The following MAP1A variants were observed in gnomAD, a reference collection of about 807,000 sequenced individuals.
MAP1A encodes microtubule-associated protein 1A.
In MAP1A, 42 loss-of-function variants were observed where a neutral mutation model predicts 185.9. The ratio of observed to expected loss-of-function variants is 0.23; its 90% CI spans 0.18 to 0.29. The LOEUF is 0.29. Ranked by LOEUF, MAP1A falls within the 10% of genes least tolerant of loss-of-function variation. The pLI is 1.00. For synonymous variants in MAP1A, 1,229 were observed against 1,335.9 expected, an observed-to-expected ratio of 0.92 and a Z score of 1.74; for missense variants, 2,995 against 3,450.4, an observed-to-expected ratio of 0.87 and a Z score of 3.31.
At position 43,527,307 on chromosome 15, in the gene MAP1A, A is replaced by C. The variant is rs1013851290; in HGVS notation, c.5834A>C (p.Glu1945Ala). 1.1e-5 allele frequency: 17 copies of C among 1,614,174 alleles called. No homozygotes were observed. Among genetic ancestry groups the C allele is most frequent in the Non-Finnish European group, 1.4e-5 (17 of 1,180,004 alleles). Residue 1945 changes from glutamate to alanine, a missense_variant, in exon 4 of 6, where the codon GAG becomes GCG. Around this residue, in one of 3 missense-constraint regions of MAP1A, gnomAD observed 2,728 missense variants for 2,986.0 expected, o/e 0.91. Transcript: ENST00000300231. ...GCCAGCAAAAGCCATGCCACCACGGAGCCTGAGCAGACTGAGCCGGAGCAG... is the reference window on the plus strand; with the variant it reads ...GCCAGCAAAAGCCATGCCACCACGGCGCCTGAGCAGACTGAGCCGGAGCAG... ...PEASKSHATT[E>A]PEQTEPEQRE... is the part of the protein sequence containing the mutation.
At position 43,523,929 on chromosome 15, in the gene MAP1A, C is replaced by G. The variant is rs746872287; in HGVS notation, c.2456C>G (p.Pro819Arg). 6.2e-7 allele frequency: 1 copy of G among 1,614,196 alleles called. No individual in the cohort carries two copies. The highest frequency in any genetic ancestry group is 1.7e-5 in the Admixed American group (1 of 60,032). ...LTYPTNIVAA[P>R]LAEEEHVSSA... The stretch of plus-strand genomic sequence containing the variant: ...TACCCCACTAACATAGTGGCTGCCC[C>G]TTTGGCTGAAGAGGAACATGTGTCC... The change falls in exon 4 of 6, where the codon CCT (proline) becomes CGT (arginine). Residue 819 changes from proline to arginine, a missense_variant. Pro to Arg is a moderately radical substitution (Grantham distance 103). Around this residue, in one of 3 missense-constraint regions of MAP1A, gnomAD observed 2,728 missense variants for 2,986.0 expected, o/e 0.91. Transcript: ENST00000300231.
At position 43,530,094 on chromosome 15, in the gene MAP1A, C is replaced by T. The variant is rs759132366; in HGVS notation, c.8282C>T (p.Thr2761Met). ...GTGACTCTGATCCCTACTCATGACA[C>T]GGAGGTGACTCGTGAGTGGTACCAA... ...LQVTLIPTHD[T>M]EVTREWYQQT... The change falls in exon 6 of 6, where the codon ACG (threonine) becomes ATG (methionine). Residue 2761 changes from threonine (T) to methionine (M), a missense_variant. Transcript: ENST00000300231. 1.5e-5 allele frequency: 24 copies of T among 1,614,054 alleles called. No homozygotes were observed. The highest frequency in any genetic ancestry group is 2.7e-5 in the African/African-American group (2 of 74,936).
In MAP1A at chr15:43,527,061, C is replaced by T. The variant is rs2140209462; in HGVS notation, c.5588C>T (p.Pro1863Leu). ...PPAPLSPAPGPPTPAPESHTP... is the reference protein window; with the variant it reads ...PPAPLSPAPGLPTPAPESHTP... ...GCACCCCTCTCCCCAGCTCCTGGTCCCCCCACACCTGCCCCGGAATCCCAT... is the reference window on the plus strand; with the variant it reads ...GCACCCCTCTCCCCAGCTCCTGGTCTCCCCACACCTGCCCCGGAATCCCAT... The change falls in exon 4 of 6, where the codon CCC becomes CTC. Residue 1863 changes from proline (P) to leucine (L), a missense_variant. Around this residue, in one of 3 missense-constraint regions of MAP1A, gnomAD observed 2,728 missense variants for 2,986.0 expected, o/e 0.91. Transcript: ENST00000300231. 1.9e-6 allele frequency: 3 copies of T among 1,582,328 alleles called. No homozygotes were observed. Among genetic ancestry groups the T allele is most frequent in the South Asian group, 1.2e-5 (1 of 84,892 alleles).
Position 43,529,125 on chromosome 15 carries a change from C to G in MAP1A, c.7652C>G (p.Thr2551Ser). ...PVDKAGGVSG[T>S]HHPRPGHDPP... ...GACAAAGCTGGGGGTGTCAGTGGTACTCACCACCCCAGGCCTGGCCATGAC... is the reference window on the plus strand; with the variant it reads ...GACAAAGCTGGGGGTGTCAGTGGTAGTCACCACCCCAGGCCTGGCCATGAC... The change falls in exon 4 of 6, where the codon ACT (threonine) becomes AGT (serine). Residue 2551 changes from threonine (T) to serine (S), a missense_variant. This residue lies in a region of MAP1A where 2,728 missense variants were observed against 2,986.0 expected (regional missense o/e 0.91). Transcript: ENST00000300231. The surrounding 1 kb of genome is among the most constrained non-coding windows in gnomAD (Gnocchi z 4.3). 1 of 1,613,548 alleles carries G rather than the reference C, an allele frequency of 6.2e-7. No individual in the cohort carries two copies. The highest frequency in any genetic ancestry group is 8.5e-7 in the Non-Finnish European group (1 of 1,179,930).
Position 43,521,555 on chromosome 15 carries a change from A to T in MAP1A, c.82A>T (p.Thr28Ser). The T allele has an allele frequency of 6.2e-7, 1 of 1,613,904 alleles. No homozygotes were observed. Among genetic ancestry groups the T allele is most frequent in the Non-Finnish European group, 8.5e-7 (1 of 1,179,920 alleles). Residue 28 changes from threonine (T) to serine (S), a missense_variant, in exon 4 of 6, where the codon ACC (threonine) becomes TCC (serine). Thr to Ser is a moderately conservative substitution (Grantham distance 58, BLOSUM62 1). Coordinates refer to ENST00000300231, the MANE Select transcript of MAP1A (RefSeq NM_002373.6). This position sits in a 1 kb window ranked among gnomAD's most constrained non-coding sequence, Gnocchi z 4.6. ...PSPFDLLEPP[T>S]SGGFLKLSKP... is the part of the protein sequence containing the mutation. ...CCCATTTGACCTACTAGAGCCCCCC[A>T]CCTCAGGGGGCTTCCTCAAGCTCTC... is the stretch of plus-strand genomic sequence containing the variant.
At chr15:43,516,078 T>C (rs16957812), upstream of MAP1A, among the ~76,000 whole-genome samples, 2 of 152,128 alleles carry the variant, frequency 1.3e-5, no homozygotes, top group Non-Finnish European at 2.9e-5. Flanking sequence ...CAGAAAGCCC[T>C]AGAAAGCAGG....
intron 2 of MAP1A, 62 bp from the exon 3 acceptor site, chr15:43,520,910 G>T: frequency 6.8e-7 from 1 of 1,475,474 alleles, no homozygotes. Flanking sequence ...GTACTGAGGG[G>T]CCATTCATTG....
chr15:43,530,394 T>C lies in MAP1A; in HGVS notation c.*170T>C. 1 of 762,748 alleles carries C rather than the reference T, an allele frequency of 1.3e-6. No homozygotes were observed. Among genetic ancestry groups the C allele is most frequent in the African/African-American group, 1.8e-5 (1 of 56,962 alleles). The allele number at this position is 762,748 out of a possible 1,614,324, so 47.2% of individuals were successfully genotyped here. A position where few individuals can be genotyped will look rare whatever the true frequency, so the allele number is the denominator to read the frequency against. On this transcript the variant is annotated 3_prime_UTR_variant, in exon 6 of 6. Coordinates refer to ENST00000300231, the MANE Select transcript of MAP1A (RefSeq NM_002373.6). ...TGGGAGGGGTTGTCCCTCCCCATCATCCATTCCTGTGAGGTGTCTCAAACC... is the reference window on the plus strand; with the variant it reads ...TGGGAGGGGTTGTCCCTCCCCATCACCCATTCCTGTGAGGTGTCTCAAACC...
chr15:43,519,063 C>T (rs566152762), intron 1 of MAP1A, among the ~76,000 whole-genome samples: 1 of 152,140 alleles, frequency 6.6e-6, no homozygotes, highest in Admixed American at 6.5e-5. Context: ...TCTTTCTGAC[C>T]CTCCTACCTC....
In MAP1A at chr15:43,521,676, G is replaced by A. The variant is rs546592618; in HGVS notation, c.203G>A (p.Arg68His). 13 of 1,614,060 alleles carry A rather than the reference G, an allele frequency of 8.1e-6. No homozygotes were observed. Among genetic ancestry groups the A allele is most frequent in the Admixed American group, 5.0e-5 (3 of 60,008 alleles). The part of the protein sequence containing the change: ...FNILVDGGSD[R>H]KSCFWKLVRH... ...ATCCTGGTGGATGGTGGCTCTGATC[G>A]CAAGTCCTGTTTTTGGAAGCTGGTA... Residue 68 changes from arginine (R) to histidine (H), a missense_variant, in exon 4 of 6, where the codon CGC (arginine) becomes CAC (histidine). By Grantham distance (29) the Arg-to-His change is conservative. Around this residue, in one of 3 missense-constraint regions of MAP1A, gnomAD observed 264 missense variants for 435.3 expected, o/e 0.61. Coordinates refer to ENST00000300231, the MANE Select transcript of MAP1A (RefSeq NM_002373.6). The surrounding 1 kb of genome is among the most constrained non-coding windows in gnomAD (Gnocchi z 4.6).
In MAP1A at chr15:43,527,347, C is replaced by G. The variant is rs768276293; in HGVS notation, c.5874C>G (p.Pro1958=). ...QTEPEQREPT[P]YPDERSFQYA... ...AGCCGGAGCAGAGAGAGCCCACACCCTATCCTGATGAGAGAAGCTTTCAGT... is the reference window on the plus strand; with the variant it reads ...AGCCGGAGCAGAGAGAGCCCACACCGTATCCTGATGAGAGAAGCTTTCAGT... Residue 1958 remains proline, a synonymous_variant, in exon 4 of 6, where the codon CCC becomes CCG. Coordinates refer to ENST00000300231, the MANE Select transcript of MAP1A (RefSeq NM_002373.6). 3.0e-5 allele frequency: 49 copies of G among 1,614,070 alleles called. No individual in the cohort carries two copies. Among genetic ancestry groups the G allele is most frequent in the Non-Finnish European group, 4.1e-5 (48 of 1,180,022 alleles).
exon 1 of MAP1A, chr15:43,511,078 G>A: frequency 6.5e-7 from 1 of 1,549,902 alleles, no homozygotes; most frequent in South Asian, 1.2e-5. Flanking sequence ...GCGCACCGCT[G>A]GCTCAGAACC....
At chr15:43,519,020 A>G (rs2140203484) in intron 1 of MAP1A, among the ~76,000 whole-genome samples, 1 of 152,260 alleles carries the variant, frequency 6.6e-6, no homozygotes, top group South Asian at 2.1e-4. Flanking sequence ...AGGGGTAGAT[A>G]GAAAGCAAAT....
At position 43,527,835 on chromosome 15, in the gene MAP1A, A is replaced by G. The variant is rs757521890; in HGVS notation, c.6362A>G (p.Glu2121Gly). 6.2e-7 allele frequency: 1 copy of G among 1,613,940 alleles called. No individual in the cohort carries two copies. Among genetic ancestry groups the G allele is most frequent in the Non-Finnish European group, 8.5e-7 (1 of 1,179,900 alleles). ...EKGAREQPEK[E>G]AQSPSPPHPI... Reference sequence around the variant, plus strand: ...GGGGCTCGGGAACAGCCAGAAAAAGAGGCCCAATCCCCAAGTCCTCCTCAC... The same window carrying G: ...GGGGCTCGGGAACAGCCAGAAAAAGGGGCCCAATCCCCAAGTCCTCCTCAC... Residue 2121 changes from glutamate to glycine, a missense_variant, in exon 4 of 6, where the codon GAG becomes GGG. Physicochemically the swap from Glu to Gly is moderately conservative, Grantham distance 98. This residue lies in a region of MAP1A where 2,728 missense variants were observed against 2,986.0 expected (regional missense o/e 0.91). Transcript: ENST00000300231.
intron 2 of MAP1A, among the ~76,000 whole-genome samples, chr15:43,512,497 A>G (rs2079285731): frequency 6.6e-6 from 1 of 152,174 alleles, no homozygotes; most frequent in Non-Finnish European, 1.5e-5. Context: ...GAGACTGGAG[A>G]ACATAACTTC....
In MAP1A at chr15:43,522,284, G is replaced by T. The variant is rs1297280073; in HGVS notation, c.811G>T (p.Ala271Ser). 4.3e-6 allele frequency: 7 copies of T among 1,614,058 alleles called. No homozygotes were observed. Among genetic ancestry groups the T allele is most frequent in the Non-Finnish European group, 5.9e-6 (7 of 1,180,036 alleles). The change falls in exon 4 of 6, where the codon GCT (alanine) becomes TCT (serine). Residue 271 changes from alanine to serine, a missense_variant. Ala to Ser is a moderately conservative substitution (Grantham distance 99). Coordinates refer to ENST00000300231, the MANE Select transcript of MAP1A (RefSeq NM_002373.6). The surrounding 1 kb of genome is among the most constrained non-coding windows in gnomAD (Gnocchi z 5.9). Reference sequence around the variant, plus strand: ...TGTGCGTGTGCTTTTTCCAGGAAATGCTCCCCAAAACAAGATCTTGGAGGG... The same window carrying T: ...TGTGCGTGTGCTTTTTCCAGGAAATTCTCCCCAAAACAAGATCTTGGAGGG... ...KIVRVLFPGN[A>S]PQNKILEGLE...
In MAP1A at chr15:43,530,346, G is replaced by A. The variant is rs2079366916; in HGVS notation, c.*122G>A. On this transcript the variant is annotated 3_prime_UTR_variant, in exon 6 of 6. Transcript: ENST00000300231. ...GGGGAGGGGAGGGAGATGTCTTGTTGTGGGGACTTGGGCTGGGCTAAATGG... is the reference window on the plus strand; with the variant it reads ...GGGGAGGGGAGGGAGATGTCTTGTTATGGGGACTTGGGCTGGGCTAAATGG... The A allele has an allele frequency of 7.7e-7, 1 of 1,298,948 alleles. No individual in the cohort carries two copies. The highest frequency in any genetic ancestry group is 1.1e-6 in the Non-Finnish European group (1 of 944,916). The allele number at this position is 1,298,948 out of a possible 1,614,324, so 80.5% of individuals were successfully genotyped here.
chr15:43,522,896 C>T lies in MAP1A; in HGVS notation c.1423C>T (p.Leu475Phe). The T allele has an allele frequency of 1.2e-6, 2 of 1,612,506 alleles. No homozygotes were observed. The highest frequency in any genetic ancestry group is 2.2e-5 in the East Asian group (1 of 44,862). Residue 475 changes from leucine (L) to phenylalanine (F), a missense_variant, in exon 4 of 6, where the codon CTC becomes TTC. Physicochemically the swap from Leu to Phe is conservative, Grantham distance 22 (BLOSUM62 0). This residue lies in a region of MAP1A where 2,728 missense variants were observed against 2,986.0 expected (regional missense o/e 0.91). Coordinates refer to ENST00000300231, the MANE Select transcript of MAP1A (RefSeq NM_002373.6). The surrounding 1 kb of genome is among the most constrained non-coding windows in gnomAD (Gnocchi z 5.9). ...CTTTACTCCTGAGGTACGTAAGACC[C>T]TCTATAAAGCCAAGGTCCCTGGAAG... ...KPFTPEVRKT[L>F]YKAKVPGRVK...
Position 43,527,981 on chromosome 15 carries a change from T to G in MAP1A, c.6508T>G (p.Phe2170Val). The change falls in exon 4 of 6, where the codon TTC becomes GTC. Residue 2170 changes from phenylalanine to valine, a missense_variant. Phe to Val is a conservative substitution (Grantham distance 50). This residue lies in a region of MAP1A where 2,728 missense variants were observed against 2,986.0 expected (regional missense o/e 0.91). Coordinates refer to ENST00000300231, the MANE Select transcript of MAP1A (RefSeq NM_002373.6). ...SLDFPASAFG[F>V]SSLQPAPPQL... is the part of the protein sequence containing the mutation. The stretch of plus-strand genomic sequence containing the variant: ...GGACTTCCCTGCTTCAGCCTTTGGC[T>G]TCTCCTCATTGCAGCCAGCTCCCCC... 2 of 1,614,068 alleles carry G rather than the reference T, an allele frequency of 1.2e-6. No individual in the cohort carries two copies. The highest frequency in any genetic ancestry group is 1.7e-6 in the Non-Finnish European group (2 of 1,180,012).
Sources: gnomAD v4.1 joint callset for allele counts (sites outside exome capture counted in the v4.1 genomes callset) on GRCh38, gnomAD v4.1.1 for gene constraint, gnomAD v4.1.1 regional missense constraint, Gnocchi (gnomAD v3.1) non-coding constraint, MANE v1.5 for transcripts, NCBI Gene and HGNC (gene_info 2026-07-23, HGNC 2026-07-21) for gene names.